The following KDM5A variants were observed in gnomAD, a reference collection of about 807,000 sequenced individuals.
KDM5A encodes lysine-specific demethylase 5A.
KDM5A carries 42 observed loss-of-function variants against 193.5 expected under a neutral mutation model. The ratio of observed to expected loss-of-function variants is 0.22; its 90% CI spans 0.17 to 0.28. The LOEUF (loss-of-function observed/expected upper bound fraction) is 0.28, where lower values mean the gene tolerates loss of function less well. Ranked by LOEUF, KDM5A falls within the 10% of genes least tolerant of loss-of-function variation. KDM5A has a pLI of 1.00. For synonymous variants in KDM5A, 796 were observed against 718.1 expected (o/e 1.11, Z -1.73); for missense variants, 1,692 against 2,055.1 (o/e 0.82, Z 3.42).
chr12:337,492 C>T lies in KDM5A; in HGVS notation c.1309-3070G>A, dbSNP rs372577129. ...GAAAAGGCAGAATGGAAGAGTCATA[C>T]GCAAAAACACAGGAAATAACATTAG... On this transcript the variant is annotated intron_variant, in intron 10 of 27. Coordinates refer to ENST00000399788, the MANE Select transcript of KDM5A (RefSeq NM_001042603.3). Among the ~76,000 whole-genome samples the T allele has an allele frequency of 1.4e-3, 215 of 151,950 alleles. 1 individual carries two copies. In the Middle Eastern group the frequency reaches 0.02, roughly 14 times the overall value.
Position 362,486 on chromosome 12 carries a change from G to A in KDM5A, c.672+477C>T, listed in dbSNP as rs1018784071. Among the ~76,000 whole-genome samples, 3 of 152,100 alleles carry A rather than the reference G, an allele frequency of 2.0e-5. No individual in the cohort carries two copies. In the East Asian group the frequency reaches 5.8e-4, roughly 29 times the overall value. ...ACTCTGGTTTTTAAAGGAATGGCAG[G>A]TGAAAAATAAAACCTATTCATCTCA... On this transcript the variant is annotated intron_variant, in intron 5 of 27. Coordinates refer to ENST00000399788, the MANE Select transcript of KDM5A (RefSeq NM_001042603.3).
intron 14 of KDM5A, among the ~76,000 whole-genome samples, chr12:327,155 G>C (rs182264383): frequency 6.6e-6 from 1 of 152,276 alleles, no homozygotes; most frequent in African/African-American, 2.4e-5. Flanking sequence ...GTTTAAAGAA[G>C]GGTCTATAGA....
At chr12:378,449 G>A (rs543860373) in intron 3 of KDM5A, among the ~76,000 whole-genome samples, 43 of 151,978 alleles carry the variant, frequency 2.8e-4, no homozygotes, top group South Asian at 8.3e-4. Context: ...TTGTAGAGAC[G>A]GGGTCTCCCT....
At position 326,561 on chromosome 12, in the gene KDM5A, A is replaced by G. The variant is rs371912023; in HGVS notation, c.1968+2274T>C. Among the ~76,000 whole-genome samples, 46 of 152,340 alleles carry G rather than the reference A, an allele frequency of 3.0e-4. 1 individual carries two copies. In the South Asian group the frequency reaches 9.5e-3, roughly 32 times the overall value. On this transcript the variant is annotated intron_variant, in intron 14 of 27. Transcript: ENST00000399788. ...GAGGTCATGGGGATAGAAGACACAG[A>G]AAGAAACCACTGGATTTTGGCCGGG... is the stretch of plus-strand genomic sequence containing the variant.
intron 24 of KDM5A, among the ~76,000 whole-genome samples, chr12:304,145 G>A (rs1227414640): frequency 6.6e-6 from 1 of 152,150 alleles, no homozygotes; most frequent in Non-Finnish European, 1.5e-5. Context: ...AAAGATGCAG[G>A]ACAGACTTTG....
intron 1 of KDM5A, among the ~76,000 whole-genome samples, chr12:386,262 C>G (rs1382267190): frequency 1.3e-5 from 2 of 152,134 alleles, no homozygotes; most frequent in Non-Finnish European, 1.5e-5. Flanking sequence ...GAGAAAGAAC[C>G]AAGCCTAAAT....
intron 12 of KDM5A, among the ~76,000 whole-genome samples, chr12:332,620 C>T (rs568470860): frequency 2.8e-4 from 42 of 152,092 alleles, no homozygotes; most frequent in African/African-American, 9.4e-4. Context: ...AAGGTATTTG[C>T]AGTATATTTT....
chr12:385,346 C>T, intron 2 of KDM5A, among the ~76,000 whole-genome samples: 1 of 151,446 alleles, frequency 6.6e-6, no homozygotes, highest in Admixed American at 6.6e-5. Context: ...AACCCATAAA[C>T]AGAAAAAACA....
Position 285,325 on chromosome 12 carries a change from T to C in KDM5A, c.*131A>G. On this transcript the variant is annotated 3_prime_UTR_variant, in exon 28 of 28. Transcript: ENST00000399788. ...GTCCATGCAAAGAGGAAGCCAGCACTAAGGGGACTTTCTCTGAAGGCCATT... is the reference window on the plus strand; with the variant it reads ...GTCCATGCAAAGAGGAAGCCAGCACCAAGGGGACTTTCTCTGAAGGCCATT... 2.6e-6 allele frequency: 2 copies of C among 757,534 alleles called. No homozygotes were observed. The highest frequency in any genetic ancestry group is 4.5e-6 in the Non-Finnish European group (2 of 440,508). The allele number at this position is 757,534 out of a possible 1,614,324, so 46.9% of individuals were successfully genotyped here.
At chr12:334,134 C>A (rs1457734049) in intron 11 of KDM5A, 107 bp downstream of exon 11, 3 of 1,048,870 alleles carry the variant, frequency 2.9e-6, no homozygotes, top group African/African-American at 1.6e-5. Flanking sequence ...ATTATTGAAA[C>A]CTTAAATATA....
chr12:341,890 C>T (rs933465537), intron 10 of KDM5A, among the ~76,000 whole-genome samples: 1 of 146,980 alleles, frequency 6.8e-6, no homozygotes, highest in African/African-American at 2.5e-5. Flanking sequence ...CAGGGCAAGA[C>T]TCTGTCTCCA....
intron 10 of KDM5A, among the ~76,000 whole-genome samples, chr12:344,609 A>G (rs1036083740): frequency 1.9e-4 from 29 of 152,354 alleles, no homozygotes; most frequent in African/African-American, 6.5e-4. Flanking sequence ...GGGGGCCAAT[A>G]TTCAACATTC....
intron 13 of KDM5A, among the ~76,000 whole-genome samples, chr12:329,833 T>C (rs1053019585): frequency 2.6e-5 from 4 of 152,146 alleles, no homozygotes; most frequent in African/African-American, 9.7e-5. Flanking sequence ...CTTCAACTTC[T>C]TTCCTATGCT....
At chr12:378,315 TGGTGCAATCAGA>T (rs1240189068) in intron 3 of KDM5A, among the ~76,000 whole-genome samples, 3 of 151,976 alleles carry the variant, frequency 2.0e-5, no homozygotes, top group African/African-American at 7.3e-5. Flanking sequence ...GTTGCCCAGG[TGGTGCAATCAGA>T]GGTCACTGTA....
chr12:282,673 T>C lies in KDM5A; in HGVS notation c.*2783A>G. 1 of 233,042 alleles carries C rather than the reference T, an allele frequency of 4.3e-6. No individual in the cohort carries two copies. The highest frequency in any genetic ancestry group is 1.3e-3 in the Middle Eastern group (1 of 782). The allele number at this position is 233,042 out of a possible 1,614,324, so 14.4% of individuals were successfully genotyped here. A position where few individuals can be genotyped will look rare whatever the true frequency, so the allele number is the denominator to read the frequency against. Reference sequence around the variant, plus strand: ...TTTCCATTTTTCTTTCTATAACCTTTGCCAGAGTTAAAATACTAATGATGA... The same window carrying C: ...TTTCCATTTTTCTTTCTATAACCTTCGCCAGAGTTAAAATACTAATGATGA... On this transcript the variant is annotated 3_prime_UTR_variant, in exon 28 of 28. Coordinates refer to ENST00000399788, the MANE Select transcript of KDM5A (RefSeq NM_001042603.3).
rs2192988 is a variant in KDM5A at position 289,913 on chromosome 12, T to C, written c.4866+2846A>G. On this transcript the variant is annotated intron_variant, in intron 27 of 27. Coordinates refer to ENST00000399788, the MANE Select transcript of KDM5A (RefSeq NM_001042603.3). Reference sequence around the variant, plus strand: ...CATGATTTTTTCTTTCTTTCTTTTTTTTTTTTTTTTTTTTTTTACATCATC... The same window carrying C: ...CATGATTTTTTCTTTCTTTCTTTTTCTTTTTTTTTTTTTTTTTACATCATC... Among the ~76,000 whole-genome samples the C allele has an allele frequency of 5.7e-3, 813 of 142,632 alleles. 6 individuals are homozygous for C. The highest frequency in any genetic ancestry group is 0.021 in the African/African-American group (756 of 36,168). 93.6% of individuals were successfully genotyped at this position (142,632 alleles called of 152,430 possible). A position where few individuals can be genotyped will look rare whatever the true frequency, so the allele number is the denominator to read the frequency against.
intron 6 of KDM5A, among the ~76,000 whole-genome samples, chr12:356,030 CT>C (rs1944226330): frequency 6.6e-6 from 1 of 152,144 alleles, no homozygotes; most frequent in African/African-American, 2.4e-5. Context: ...AGGGCAATTA[CT>C]TTAAAAATTA....
chr12:323,208 T>TAAAAAAAA lies in KDM5A; in HGVS notation c.2151-3_2151-2insTTTTTTTT, dbSNP rs1555131127. The TAAAAAAAA allele has an allele frequency of 2.9e-5, 3 of 105,068 alleles. No homozygotes were observed. The highest frequency in any genetic ancestry group is 3.6e-5 in the Non-Finnish European group (2 of 55,730). 6.5% of individuals were successfully genotyped at this position (105,068 alleles called of 1,614,324 possible). A position where few individuals can be genotyped will look rare whatever the true frequency, so the allele number is the denominator to read the frequency against. ...AGGTCTTCTAATGGGTAGCGATATC[T>TAAAAAAAA]ACAAAAAAAAAAAAAAAAAAAAAAA... On this transcript the variant is annotated splice_region_variant and splice_polypyrimidine_tract_variant and intron_variant, in intron 15 of 27. Coordinates refer to ENST00000399788, the MANE Select transcript of KDM5A (RefSeq NM_001042603.3).
At chr12:387,247 C>T (rs1944648420) in intron 1 of KDM5A, 1 of 359,460 alleles carries the variant, frequency 2.8e-6, no homozygotes, top group South Asian at 2.1e-5. Flanking sequence ...AAAAGTCTTA[C>T]CTTGGAAACT....
Sources: gnomAD v4.1 joint callset for allele counts (sites outside exome capture counted in the v4.1 genomes callset) on GRCh38, gnomAD v4.1.1 for gene constraint, MANE v1.5 for transcripts, NCBI Gene and HGNC (gene_info 2026-07-23, HGNC 2026-07-21) for gene names.